Variants in ADCK2 observed in about 807,000 individuals in gnomAD.
The protein encoded by ADCK2 is aarF domain containing kinase 2.
Under a neutral mutation model 52.3 loss-of-function variants are expected in ADCK2, and 37 were observed. The observed-to-expected ratio is 0.71, with a 90% confidence interval of 0.54 to 0.93. The LOEUF is 0.93. ADCK2 is among the 40% of genes least tolerant of loss of function. The probability of loss-of-function intolerance (pLI) is 0.00; values close to 1 mark genes in which losing one functional copy is unlikely to be tolerated. For missense variants in ADCK2, 695 were observed against 798.7 expected (o/e 0.87, Z 1.56); for synonymous variants, 321 against 349.2 (o/e 0.92, Z 0.90).
intron 4 of ADCK2, among the ~76,000 whole-genome samples, chr7:140,681,591 A>T (rs1191160690): frequency 6.6e-6 from 1 of 151,834 alleles, no homozygotes; most frequent in South Asian, 2.1e-4. Context: ...AAGTGCTGGG[A>T]TTACAGGTGT....
chr7:140,676,145 T>C (rs919724564), intron 2 of ADCK2, among the ~76,000 whole-genome samples: 1 of 152,212 alleles, frequency 6.6e-6, no homozygotes, highest in Non-Finnish European at 1.5e-5. Flanking sequence ...GATCAAGGCA[T>C]CGGCAGATTC....
At chr7:140,679,474 C>T (rs1794479061) in intron 3 of ADCK2, among the ~76,000 whole-genome samples, 191 bp downstream of exon 3, 1 of 151,980 alleles carries the variant, frequency 6.6e-6, no homozygotes, top group South Asian at 2.1e-4. Flanking sequence ...CTGGGTGTGG[C>T]CCGATCCCCT....
intron 7 of ADCK2, among the ~76,000 whole-genome samples, chr7:140,694,136 C>T (rs1341027949): frequency 6.6e-6 from 1 of 152,116 alleles, no homozygotes; most frequent in Non-Finnish European, 1.5e-5. Flanking sequence ...GCCTCGTCAA[C>T]ATTGCAAGAC....
At chr7:140,682,826 C>CAAAAAA (rs397889908) in intron 4 of ADCK2, among the ~76,000 whole-genome samples, 1 of 65,174 alleles carries the variant, frequency 1.5e-5, no homozygotes, top group African/African-American at 4.4e-5. Context: ...CCTGTCACTA[C>CAAAAAA]AAAAAAAAAA....
Position 140,686,998 on chromosome 7 carries a change from G to C in ADCK2, c.1314G>C (p.Val438=). Residue 438 remains valine (V), a synonymous_variant, in exon 5 of 8, where the codon GTG becomes GTC. Transcript: ENST00000072869. The stretch of plus-strand genomic sequence containing the variant: ...TTGTGATCTCCTTCCAGATATTTGT[G>C]GATAACTTTGTCCATGCAGACCTTC... ...GINMLLKMIF[V]DNFVHADLHP... is the part of the protein sequence containing the mutation. The C allele has an allele frequency of 6.2e-7, 1 of 1,612,660 alleles. No homozygotes were observed. The highest frequency in any genetic ancestry group is 2.2e-5 in the East Asian group (1 of 44,802).
chr7:140,674,849 G>A lies in ADCK2; in HGVS notation c.1080+92G>A. The A allele has an allele frequency of 6.9e-7, 1 of 1,440,416 alleles. No homozygotes were observed. The highest frequency in any genetic ancestry group is 9.4e-7 in the Non-Finnish European group (1 of 1,065,836). 89.2% of individuals were successfully genotyped at this position (1,440,416 alleles called of 1,614,324 possible). ...TAAATGTTGAATGAATAATTTTCTGGTATGTCATAACTCATGTGATGTGTT... is the reference window on the plus strand; with the variant it reads ...TAAATGTTGAATGAATAATTTTCTGATATGTCATAACTCATGTGATGTGTT... On this transcript the variant is annotated intron_variant, in intron 2 of 7. Coordinates refer to ENST00000072869, the MANE Select transcript of ADCK2 (RefSeq NM_052853.4). The surrounding 1 kb of genome is among the most constrained non-coding windows in gnomAD (Gnocchi z 4.6).
At position 140,673,871 on chromosome 7, in the gene ADCK2, C is replaced by T. The variant is rs1035102862; in HGVS notation, c.541C>T (p.His181Tyr). 3 of 1,613,966 alleles carry T rather than the reference C, an allele frequency of 1.9e-6. No individual in the cohort carries two copies. In the African/African-American group the frequency reaches 4.0e-5, roughly 22 times the overall value. ...CCGAGTGACGCCCCACCCGTGGACT[C>T]ACACTGAGCGCTTCCTTCGGCAGGC... The part of the protein sequence containing the change: ...HVRVTPHPWT[H>Y]TERFLRQAFG... The change falls in exon 1 of 8, where the codon CAC becomes TAC. Residue 181 changes from histidine (H) to tyrosine (Y), a missense_variant. Physicochemically the swap from His to Tyr is moderately conservative, Grantham distance 83. Coordinates refer to ENST00000072869, the MANE Select transcript of ADCK2 (RefSeq NM_052853.4). The surrounding 1 kb of genome is among the most constrained non-coding windows in gnomAD (Gnocchi z 6.4).
intron 7 of ADCK2, among the ~76,000 whole-genome samples, chr7:140,691,397 T>C (rs1794700177): frequency 6.6e-6 from 1 of 152,222 alleles, no homozygotes; most frequent in Non-Finnish European, 1.5e-5. Context: ...TGTCTTTCCC[T>C]CCTTGGTTCA....
At chr7:140,689,891 G>A (rs1174889644) in intron 6 of ADCK2, among the ~76,000 whole-genome samples, 166 bp downstream of exon 6, 2 of 152,154 alleles carry the variant, frequency 1.3e-5, no homozygotes, top group Non-Finnish European at 2.9e-5. Context: ...GAAGTCCGTT[G>A]TGCTCAAGGG....
Position 140,675,567 on chromosome 7 carries a change from G to A in ADCK2, c.1080+810G>A, listed in dbSNP as rs964797623. ...GGAGGCAGAGGCCATGCAGGGTCATGTAATAAATTTTGTGGCCAGGCCTGG... is the reference window on the plus strand; with the variant it reads ...GGAGGCAGAGGCCATGCAGGGTCATATAATAAATTTTGTGGCCAGGCCTGG... On this transcript the variant is annotated intron_variant, in intron 2 of 7. Coordinates refer to ENST00000072869, the MANE Select transcript of ADCK2 (RefSeq NM_052853.4). 5.3e-5 allele frequency among the ~76,000 whole-genome samples: 8 copies of A among 152,322 alleles called. No homozygotes were observed. The East Asian group carries it at 5.8e-4, about 11-fold the overall frequency.
At chr7:140,687,799 G>A (rs1794632206) in intron 5 of ADCK2, among the ~76,000 whole-genome samples, 1 of 151,730 alleles carries the variant, frequency 6.6e-6, no homozygotes. Flanking sequence ...AATCACTTGA[G>A]CTCAGGAGTT....
intron 2 of ADCK2, 98 bp from the exon 3 acceptor site, chr7:140,679,057 T>C (rs1482968916): frequency 6.8e-7 from 1 of 1,464,118 alleles, no homozygotes; most frequent in Non-Finnish European, 9.3e-7. Context: ...GTGGGGAAGG[T>C]GGGGTGGATC....
chr7:140,688,362 AAC>A (rs1406563424), intron 5 of ADCK2, among the ~76,000 whole-genome samples: 1 of 152,120 alleles, frequency 6.6e-6, no homozygotes, highest in African/African-American at 2.4e-5. Flanking sequence ...TCTGTCTTGA[AAC>A]AGGACAGGTC....
chr7:140,674,264 G>T lies in ADCK2; in HGVS notation c.933+1G>T. On this transcript the variant is annotated splice_donor_variant, in intron 1 of 7. Coordinates refer to ENST00000072869, the MANE Select transcript of ADCK2 (RefSeq NM_052853.4). LOFTEE classifies it high-confidence loss of function. This position sits in a 1 kb window ranked among gnomAD's most constrained non-coding sequence, Gnocchi z 4.6. ...CAACCTCATCTCCGTGGCAGTGAAA[G>T]TAAGTGTTGTGAGAGCTCACAGCTC... 1.2e-6 allele frequency: 2 copies of T among 1,608,656 alleles called. No homozygotes were observed. Among genetic ancestry groups the T allele is most frequent in the East Asian group, 4.5e-5 (2 of 44,818 alleles).
At position 140,674,584 on chromosome 7, in the gene ADCK2, C is replaced by T; in HGVS notation, c.934-27C>T. 1 of 1,597,798 alleles carries T rather than the reference C, an allele frequency of 6.3e-7. No individual in the cohort carries two copies. Among genetic ancestry groups the T allele is most frequent in the African/African-American group, 1.3e-5 (1 of 74,730 alleles). ...GTAAAATGTGTCCAGCAGGTTTCTC[C>T]TGTCTCACGGTTCCTCTTTCTGACA... On this transcript the variant is annotated intron_variant, in intron 1 of 7. Coordinates refer to ENST00000072869, the MANE Select transcript of ADCK2 (RefSeq NM_052853.4). The surrounding 1 kb of genome is among the most constrained non-coding windows in gnomAD (Gnocchi z 4.6).
chr7:140,681,562 C>G (rs925665318), intron 4 of ADCK2, among the ~76,000 whole-genome samples: 6 of 151,854 alleles, frequency 4.0e-5, no homozygotes, highest in African/African-American at 1.5e-4. Context: ...CCTCATGATC[C>G]ACCCGCCTTG....
intron 4 of ADCK2, 93 bp downstream of exon 4, chr7:140,681,230 A>G: frequency 8.3e-7 from 1 of 1,204,002 alleles, no homozygotes; most frequent in Non-Finnish European, 1.2e-6. Context: ...GGTGGGAAGG[A>G]GAGCGAAGCA....
intron 7 of ADCK2, among the ~76,000 whole-genome samples, chr7:140,692,758 C>G (rs375834508): frequency 6.6e-6 from 1 of 152,246 alleles, no homozygotes; most frequent in African/African-American, 2.4e-5. Context: ...AATATCTTTT[C>G]AAGATCCTAC....
chr7:140,676,973 T>C (rs995264431), intron 2 of ADCK2, among the ~76,000 whole-genome samples: 5 of 151,702 alleles, frequency 3.3e-5, no homozygotes, highest in African/African-American at 2.4e-5. Context: ...CAGTGAACCA[T>C]GATCACACCA....
Sources: allele counts gnomAD v4.1 joint callset (sites outside exome capture counted in the v4.1 genomes callset), GRCh38; gene constraint gnomAD v4.1.1; non-coding constraint Gnocchi (gnomAD v3.1); transcripts MANE v1.5; gene names NCBI Gene and HGNC (gene_info 2026-07-23, HGNC 2026-07-21).